Variants in ARFGAP3 observed in about 807,000 individuals in gnomAD.
ARFGAP3 encodes the protein ADP-ribosylation factor GTPase-activating protein 3.
A neutral mutation model predicts 75.0 loss-of-function variants in ARFGAP3; 72 were observed. The ratio of observed to expected loss-of-function variants is 0.96; its 90% CI spans 0.79 to 1.17. The LOEUF (loss-of-function observed/expected upper bound fraction) is 1.17. Among genes scored for constraint, ARFGAP3 ranks in the 50% most tolerant of loss-of-function variants. The pLI is 0.00. For missense variants in ARFGAP3, 620 were observed against 626.6 expected, an observed-to-expected ratio of 0.99 and a Z score of 0.11; for synonymous variants, 221 against 217.9, an observed-to-expected ratio of 1.01 and a Z score of -0.13.
intron 7 of ARFGAP3, among the ~76,000 whole-genome samples, chr22:42,825,609 C>T (rs377731839): frequency 4.0e-5 from 6 of 149,840 alleles, no homozygotes; most frequent in African/African-American, 7.4e-5. Flanking sequence ...CAGGAGGCAC[C>T]GGGAGGCAGA....
chr22:42,797,008 A>T lies in ARFGAP3; in HGVS notation c.*580T>A. On this transcript the variant is annotated 3_prime_UTR_variant, in exon 16 of 16. Transcript: ENST00000263245. ...AGTTTGTTAAAAGCACTCACTGAAAAACATTTTTAAATTTATAGGTCATAT... is the reference window on the plus strand; with the variant it reads ...AGTTTGTTAAAAGCACTCACTGAAATACATTTTTAAATTTATAGGTCATAT... 1 of 152,302 alleles carries T rather than the reference A, an allele frequency of 6.6e-6. No individual in the cohort carries two copies. Among genetic ancestry groups the T allele is most frequent in the African/African-American group, 2.4e-5 (1 of 41,462 alleles). 9.4% of individuals were successfully genotyped at this position (152,302 alleles called of 1,614,324 possible).
intron 8 of ARFGAP3, among the ~76,000 whole-genome samples, chr22:42,822,798 TCTTA>T (rs531042159): frequency 4.6e-5 from 7 of 152,264 alleles, no homozygotes; most frequent in South Asian, 2.1e-4. Context: ...ACTGTTGTAT[TCTTA>T]CTTTTTATTT....
In ARFGAP3 at chr22:42,810,780, CACT is replaced by C. The variant is rs777316399; in HGVS notation, c.1196+30_1196+32del. 19 of 1,579,092 alleles carry C rather than the reference CACT, an allele frequency of 1.2e-5. No individual in the cohort carries two copies. In the South Asian group the frequency reaches 2.1e-4, roughly 18 times the overall value. The stretch of plus-strand genomic sequence containing the variant: ...ATTTTTTCCCAGAAATGCATGGATT[CACT>C]ACTACAACCCCACAGTTTTGCATTC... On this transcript the variant is annotated intron_variant, in intron 12 of 15. Transcript: ENST00000263245.
At chr22:42,812,824 T>C (rs896339551) in intron 11 of ARFGAP3, among the ~76,000 whole-genome samples, 4 of 152,226 alleles carry the variant, frequency 2.6e-5, no homozygotes, top group African/African-American at 9.6e-5. Context: ...ATCTACTCCT[T>C]AGGAAGGAAA....
At chr22:42,842,244 A>C (rs1926814942) in intron 2 of ARFGAP3, among the ~76,000 whole-genome samples, 2 of 149,496 alleles carry the variant, frequency 1.3e-5, no homozygotes, top group South Asian at 4.2e-4. Flanking sequence ...ACCTTAGGTG[A>C]TCCACCCACC....
chr22:42,823,598 C>G lies in ARFGAP3; in HGVS notation c.672+58G>C, dbSNP rs1925906038. On this transcript the variant is annotated intron_variant, in intron 8 of 15. Coordinates refer to ENST00000263245, the MANE Select transcript of ARFGAP3 (RefSeq NM_014570.5). ...GAATAAAACTAAAATGACGAAGCGG[C>G]TTTTTAGTTTTAAAGCTTAACTACC... 1.2e-5 allele frequency: 15 copies of G among 1,276,362 alleles called. No individual in the cohort carries two copies. In the South Asian group the frequency reaches 2.0e-4, roughly 17 times the overall value. 79.1% of individuals were successfully genotyped at this position (1,276,362 alleles called of 1,614,324 possible).
intron 14 of ARFGAP3, among the ~76,000 whole-genome samples, chr22:42,801,123 G>A (rs1006275669): frequency 2.0e-5 from 3 of 152,178 alleles, no homozygotes; most frequent in African/African-American, 7.2e-5. Context: ...TGCATGGGGC[G>A]GTGCCTGAGC....
At chr22:42,834,619 C>T (rs572474627) in intron 4 of ARFGAP3, among the ~76,000 whole-genome samples, 245 of 152,226 alleles carry the variant, frequency 1.6e-3, no homozygotes, top group African/African-American at 5.6e-3. Context: ...ATAATCAATC[C>T]TTGTTATTCA....
rs59529328 is a variant in ARFGAP3 at position 42,839,123 on chromosome 22, GAAA to G, written c.261+1818_261+1820del. 5.5e-4 allele frequency among the ~76,000 whole-genome samples: 71 copies of G among 128,772 alleles called. 1 individual carries two copies. The highest frequency in any genetic ancestry group is 1.4e-3 in the African/African-American group (50 of 34,534). The allele number at this position is 128,772 out of a possible 152,430, so 84.5% of individuals were successfully genotyped here. ...AGATTCCGTCTCAAAAAAAAAAAAA[GAAA>G]AAAAAAAAAAAAGAAAATCCTTACT... is the stretch of plus-strand genomic sequence containing the variant. On this transcript the variant is annotated intron_variant, in intron 3 of 15. Transcript: ENST00000263245.
At position 42,857,133 on chromosome 22, in the gene ARFGAP3, C is replaced by T; in HGVS notation, c.50G>A (p.Arg17His). 6.6e-7 allele frequency: 1 copy of T among 1,514,948 alleles called. No individual in the cohort carries two copies. Among genetic ancestry groups the T allele is most frequent in the Admixed American group, 2.1e-5 (1 of 47,326 alleles). The allele number at this position is 1,514,948 out of a possible 1,614,324, so 93.8% of individuals were successfully genotyped here. ...CGCTACCTTGTTAGTGGGCACCGAG[C>T]GGAGGCGCTTGAAGATGGTCAAGAT... ...QDILTIFKRLRSVPTNKVCFD... is the reference protein window; with the variant it reads ...QDILTIFKRLHSVPTNKVCFD... Residue 17 changes from arginine to histidine, a missense_variant, in exon 1 of 16, where the codon CGC becomes CAC. Transcript: ENST00000263245.
chr22:42,810,442 C>T (rs1020842151), intron 12 of ARFGAP3, among the ~76,000 whole-genome samples: 3 of 152,076 alleles, frequency 2.0e-5, no homozygotes, highest in Admixed American at 6.5e-5. Context: ...CCAGCCTGGG[C>T]AACAGAGTGA....
intron 3 of ARFGAP3, among the ~76,000 whole-genome samples, chr22:42,840,609 A>C (rs1369308299): frequency 6.6e-6 from 1 of 150,422 alleles, no homozygotes; most frequent in Non-Finnish European, 1.5e-5. Context: ...TTTTTTTTTT[A>C]GTAGAGATGG....
intron 9 of ARFGAP3, 137 bp from the exon 10 acceptor site, chr22:42,817,994 T>C (rs755009679): frequency 7.0e-5 from 86 of 1,234,036 alleles, no homozygotes; most frequent in Admixed American, 3.5e-4. Context: ...TGAAGGCAAG[T>C]TGGTGTTTTT....
At chr22:42,814,161 A>C (rs994596771) in intron 11 of ARFGAP3, among the ~76,000 whole-genome samples, 27 of 152,214 alleles carry the variant, frequency 1.8e-4, no homozygotes, top group Admixed American at 1.6e-3. Flanking sequence ...ATAAAAAAAA[A>C]CAAGGACAGG....
At chr22:42,816,561 G>C (rs1925588961) in intron 11 of ARFGAP3, among the ~76,000 whole-genome samples, 1 of 152,192 alleles carries the variant, frequency 6.6e-6, no homozygotes, top group South Asian at 2.1e-4. Context: ...CAGGCCACTT[G>C]ACCGTGCACT....
At chr22:42,821,897 G>C (rs1221247891) in intron 9 of ARFGAP3, among the ~76,000 whole-genome samples, 3 of 152,128 alleles carry the variant, frequency 2.0e-5, no homozygotes, top group Non-Finnish European at 4.4e-5. Context: ...GCCAACACCT[G>C]TTACTGATTT....
intron 11 of ARFGAP3, among the ~76,000 whole-genome samples, chr22:42,815,414 T>A (rs1222706715): frequency 1.5e-5 from 2 of 134,600 alleles, no homozygotes; most frequent in South Asian, 4.4e-4. Flanking sequence ...AACTACTACT[T>A]TTTTTTTTTT....
chr22:42,804,331 G>T (rs1320082759), intron 14 of ARFGAP3, among the ~76,000 whole-genome samples: 3 of 149,206 alleles, frequency 2.0e-5, no homozygotes, highest in African/African-American at 7.4e-5. Context: ...TGCCTCAGCC[G>T]CCTGAGTGGT....
Position 42,797,608 on chromosome 22 carries a change from GA to G in ARFGAP3, c.1534-4del. ...CAGTATTAAGAACCGTAGCGATCCT[GA>G]AGAGAGAACCAAAATGGAAGTTCAC... On this transcript the variant is annotated splice_polypyrimidine_tract_variant and splice_region_variant and intron_variant, in intron 15 of 15. Coordinates refer to ENST00000263245, the MANE Select transcript of ARFGAP3 (RefSeq NM_014570.5). The G allele has an allele frequency of 6.2e-7, 1 of 1,614,064 alleles. No homozygotes were observed. Among genetic ancestry groups the G allele is most frequent in the South Asian group, 1.1e-5 (1 of 91,076 alleles).
Sources: allele counts gnomAD v4.1 joint callset (sites outside exome capture counted in the v4.1 genomes callset), GRCh38; gene constraint gnomAD v4.1.1; transcripts MANE v1.5; gene names NCBI Gene and HGNC (gene_info 2026-07-23, HGNC 2026-07-21).